IKZF3: variants seen among roughly 807,000 people sequenced by gnomAD.
IKZF3 encodes zinc finger protein Aiolos.
Under a neutral mutation model 49.0 loss-of-function variants are expected in IKZF3, and 10 were observed. The ratio of observed to expected loss-of-function variants is 0.20; its 90% CI spans 0.13 to 0.35. The LOEUF (loss-of-function observed/expected upper bound fraction) is 0.35. Ranked by LOEUF, IKZF3 falls within the 10% of genes least tolerant of loss-of-function variation. The probability of loss-of-function intolerance (pLI) is 1.00; values close to 1 mark genes in which losing one functional copy is unlikely to be tolerated. For missense variants in IKZF3, 498 were observed against 664.8 expected (o/e 0.75, Z 2.76); for synonymous variants, 209 against 228.2 (o/e 0.92, Z 0.76).
intron 1 of IKZF3, chr17:39,835,365 T>C (rs907196160): frequency 1.8e-5 from 9 of 492,800 alleles, no homozygotes; most frequent in African/African-American, 3.9e-5. Flanking sequence ...CCCCCTGGCA[T>C]TGGCATCCTT....
rs1423642044 is a variant in IKZF3, at chr17:39,792,894, T to A, written c.203A>T (p.Asp68Val). The A allele has an allele frequency of 3.1e-6, 5 of 1,614,032 alleles. No individual in the cohort carries two copies. The highest frequency in any genetic ancestry group is 2.7e-5 in the African/African-American group (2 of 75,058). Residue 68 changes from aspartate (D) to valine (V), a missense_variant, in exon 4 of 8, where the codon GAT (aspartate) becomes GTT (valine). By Grantham distance (152) the Asp-to-Val change is radical. This residue lies in a region of IKZF3 where 97 missense variants were observed against 98.9 expected (regional missense o/e 0.98). Coordinates refer to ENST00000346872, the MANE Select transcript of IKZF3 (RefSeq NM_012481.5). The stretch of plus-strand genomic sequence containing the variant: ...GGGTTCTGACTTTAAAACATTCTCA[T>A]CTCTTTCACTGTATTCATCTTTCAC... ...MKVKDEYSERDENVLKSEPMG... is the reference protein window; with the variant it reads ...MKVKDEYSERVENVLKSEPMG...
chr17:39,830,201 G>A (rs1013432470), intron 2 of IKZF3, among the ~76,000 whole-genome samples: 7 of 152,142 alleles, frequency 4.6e-5, no homozygotes, highest in African/African-American at 1.7e-4. Flanking sequence ...TGCTTTCCTA[G>A]GAGGAAGATC....
intron 1 of IKZF3, among the ~76,000 whole-genome samples, chr17:39,842,403 C>T (rs1436364928): frequency 6.6e-6 from 1 of 152,154 alleles, no homozygotes; most frequent in Non-Finnish European, 1.5e-5. Context: ...GTGGCGCATG[C>T]CTGTAGTACT....
chr17:39,781,496 A>C (rs1004885796), intron 6 of IKZF3, among the ~76,000 whole-genome samples: 1 of 152,194 alleles, frequency 6.6e-6, no homozygotes, highest in Non-Finnish European at 1.5e-5. Context: ...TTTTATGCCC[A>C]TTTTACCATT....
intron 7 of IKZF3, among the ~76,000 whole-genome samples, chr17:39,771,362 T>G (rs1170701562): frequency 6.6e-6 from 1 of 152,210 alleles, no homozygotes; most frequent in African/African-American, 2.4e-5. Context: ...AGCACTCTAT[T>G]CCCATTATTT....
chr17:39,777,782 T>G lies in IKZF3; in HGVS notation c.710-15A>C. On this transcript the variant is annotated splice_polypyrimidine_tract_variant and intron_variant, in intron 6 of 7. Coordinates refer to ENST00000346872, the MANE Select transcript of IKZF3 (RefSeq NM_012481.5). Reference sequence around the variant, plus strand: ...CTCCGCACTTGCTAGTTTGGAAAAATGTAAAAAGAAGAGAGAAAAGAACAC... The same window carrying G: ...CTCCGCACTTGCTAGTTTGGAAAAAGGTAAAAAGAAGAGAGAAAAGAACAC... The G allele has an allele frequency of 6.2e-7, 1 of 1,604,408 alleles. No individual in the cohort carries two copies. Among genetic ancestry groups the G allele is most frequent in the South Asian group, 1.1e-5 (1 of 89,536 alleles).
chr17:39,862,181 CTATT>C, intron 1 of IKZF3, among the ~76,000 whole-genome samples: 1 of 152,136 alleles, frequency 6.6e-6, no homozygotes, highest in East Asian at 1.9e-4. Context: ...TACAAGATTT[CTATT>C]TCAAAAGCTT....
rs2143557035 is a variant in IKZF3, at chr17:39,765,574, G to A, written c.*216C>T. On this transcript the variant is annotated 3_prime_UTR_variant, in exon 8 of 8. Transcript: ENST00000346872. The stretch of plus-strand genomic sequence containing the variant: ...TTCCATAAAATTCAAGTCCCTGATG[G>A]GAAAACAAAGGTTTCACAAAAGTAA... The A allele has an allele frequency of 2.1e-6, 1 of 484,012 alleles. No homozygotes were observed. Among genetic ancestry groups the A allele is most frequent in the Non-Finnish European group, 3.6e-6 (1 of 274,120 alleles). 30.0% of individuals were successfully genotyped at this position (484,012 alleles called of 1,614,324 possible).
At position 39,761,181 on chromosome 17, in the gene IKZF3, C is replaced by A. The variant is rs1457207145; in HGVS notation, c.*4609G>T. ...AAAAGGTGAGAAATTTTGTCACTGA[C>A]AAAGTCAGAAGCTGTGTCAGGAACA... is the stretch of plus-strand genomic sequence containing the variant. On this transcript the variant is annotated 3_prime_UTR_variant, in exon 8 of 8. Transcript: ENST00000346872. 6.6e-6 allele frequency: 1 copy of A among 152,172 alleles called. No individual in the cohort carries two copies. The highest frequency in any genetic ancestry group is 2.4e-5 in the African/African-American group (1 of 41,422). 9.4% of individuals were successfully genotyped at this position (152,172 alleles called of 1,614,324 possible). A position where few individuals can be genotyped will look rare whatever the true frequency, so the allele number is the denominator to read the frequency against.
chr17:39,859,644 C>G (rs1159755522), intron 1 of IKZF3, among the ~76,000 whole-genome samples: 1 of 152,152 alleles, frequency 6.6e-6, no homozygotes, highest in Admixed American at 6.5e-5. Flanking sequence ...CCGCCTCAGC[C>G]TCCCAAAGTG....
chr17:39,788,519 A>G (rs1451169154), intron 5 of IKZF3, 145 bp from the exon 6 acceptor site: 2 of 597,822 alleles, frequency 3.3e-6, no homozygotes, highest in Non-Finnish European at 6.1e-6. Context: ...TATATTTTAA[A>G]TTTGGTAAGC....
intron 1 of IKZF3, among the ~76,000 whole-genome samples, chr17:39,839,798 T>G (rs951973778): frequency 4.6e-5 from 7 of 152,154 alleles, no homozygotes; most frequent in African/African-American, 1.4e-4. Context: ...TAGCTGGGAC[T>G]ACAGGTAGGT....
intron 2 of IKZF3, among the ~76,000 whole-genome samples, chr17:39,830,337 G>C (rs2062076629): frequency 6.6e-6 from 1 of 152,130 alleles, no homozygotes; most frequent in Non-Finnish European, 1.5e-5. Flanking sequence ...TGTTGACAAG[G>C]CTACAGATAT....
At chr17:39,850,843 AATATATAATATGCTCTATAGTATATATAC>A (rs1362124608) in intron 1 of IKZF3, among the ~76,000 whole-genome samples, 14 of 127,402 alleles carry the variant, frequency 1.1e-4, no homozygotes, top group Non-Finnish European at 2.0e-4. Flanking sequence ...TAGTATATAT[AATATATAATATGCTCTATAGTATATATAC>A]ATATATAATA....
At chr17:39,800,632 TAGGA>T (rs1338688931) in intron 3 of IKZF3, among the ~76,000 whole-genome samples, 1 of 152,082 alleles carries the variant, frequency 6.6e-6, no homozygotes, top group Non-Finnish European at 1.5e-5. Flanking sequence ...TCAGGCCTCT[TAGGA>T]AGATGACACA....
intron 1 of IKZF3, chr17:39,835,319 C>G: frequency 1.9e-6 from 1 of 535,770 alleles, no homozygotes; most frequent in Admixed American, 2.0e-5. Context: ...GCGCCACGTC[C>G]TGCTTGGCCC....
chr17:39,824,941 C>T (rs765107039), intron 3 of IKZF3, among the ~76,000 whole-genome samples: 6 of 152,074 alleles, frequency 3.9e-5, no homozygotes, highest in African/African-American at 9.7e-5. Context: ...GTGATCCTCC[C>T]GCCTCGGCCT....
chr17:39,772,135 TG>T, intron 7 of IKZF3, among the ~76,000 whole-genome samples: 1 of 152,258 alleles, frequency 6.6e-6, no homozygotes, highest in African/African-American at 2.4e-5. Context: ...GAGTTCATTG[TG>T]GCTGAAGTAA....
chr17:39,850,087 A>T (rs1439733920), intron 1 of IKZF3, among the ~76,000 whole-genome samples: 1 of 96,882 alleles, frequency 1.0e-5, no homozygotes, highest in African/African-American at 2.8e-5. Context: ...ATGCATATAT[A>T]CTATATAGCA....
Sources: gnomAD v4.1 joint callset for allele counts (sites outside exome capture counted in the v4.1 genomes callset) on GRCh38, gnomAD v4.1.1 for gene constraint, gnomAD v4.1.1 regional missense constraint, MANE v1.5 for transcripts, NCBI Gene and HGNC (gene_info 2026-07-23, HGNC 2026-07-21) for gene names.